The following KCTD16 variants were observed in gnomAD, a reference collection of about 807,000 sequenced individuals.
KCTD16 encodes BTB/POZ domain-containing protein KCTD16.
KCTD16 carries 13 observed loss-of-function variants against 33.2 expected under a neutral mutation model. The observed-to-expected ratio is 0.39, with a 90% confidence interval of 0.25 to 0.62. KCTD16 has a LOEUF of 0.62. Among genes scored for constraint, KCTD16 ranks in the 20% least tolerant of loss-of-function variants. KCTD16 has a pLI of 0.50. For missense variants in KCTD16, 441 were observed against 525.1 expected, an observed-to-expected ratio of 0.84 and a Z score of 1.57; for synonymous variants, 197 against 195.3, an observed-to-expected ratio of 1.01 and a Z score of -0.07.
intron 3 of KCTD16, among the ~76,000 whole-genome samples, chr5:144,219,604 TC>T (rs1753676392): frequency 7.3e-6 from 1 of 137,754 alleles, no homozygotes; most frequent in Admixed American, 7.9e-5. Flanking sequence ...CACTGCAACC[TC>T]CGCCTCTCGG....
intron 3 of KCTD16, among the ~76,000 whole-genome samples, chr5:144,443,609 GA>G (rs1753759720): frequency 6.6e-6 from 1 of 152,008 alleles, no homozygotes; most frequent in African/African-American, 2.4e-5. Flanking sequence ...TCAAGATGAT[GA>G]AGTGTTTTTC....
intron 3 of KCTD16, among the ~76,000 whole-genome samples, chr5:144,229,087 T>C (rs1754020258): frequency 6.6e-6 from 1 of 152,144 alleles, no homozygotes; most frequent in African/African-American, 2.4e-5. Context: ...TCCACATGGT[T>C]GTTTATTTTT....
chr5:144,414,841 A>G (rs1034123014), intron 3 of KCTD16, among the ~76,000 whole-genome samples: 4 of 152,164 alleles, frequency 2.6e-5, no homozygotes, highest in African/African-American at 9.7e-5. Flanking sequence ...AGAGCCTTGT[A>G]TTCGTGTGTC....
At chr5:144,292,111 G>A (rs1755909812) in intron 3 of KCTD16, among the ~76,000 whole-genome samples, 1 of 152,082 alleles carries the variant, frequency 6.6e-6, no homozygotes, top group South Asian at 2.1e-4. Flanking sequence ...AAAGTTGGAG[G>A]GCTCTTCACC....
At position 144,444,210 on chromosome 5, in the gene KCTD16, C is replaced by G. The variant is rs373727368; in HGVS notation, c.833-29450C>G. ...CAAACCCCACCCCAACCCCTCCCCCCTCCACACACAAAGATAAAACACTTC... is the reference window on the plus strand; with the variant it reads ...CAAACCCCACCCCAACCCCTCCCCCGTCCACACACAAAGATAAAACACTTC... On this transcript the variant is annotated intron_variant, in intron 3 of 3. Transcript: ENST00000512467. Among the ~76,000 whole-genome samples the G allele has an allele frequency of 3.4e-4, 51 of 150,658 alleles. No homozygotes were observed. The East Asian group carries it at 7.6e-3, about 22-fold the overall frequency.
chr5:144,460,165 A>G (rs1485781977), intron 3 of KCTD16, among the ~76,000 whole-genome samples: 1 of 152,040 alleles, frequency 6.6e-6, no homozygotes, highest in African/African-American at 2.4e-5. Flanking sequence ...CTTTTTGATC[A>G]TTCAAGCCAT....
intron 2 of KCTD16, among the ~76,000 whole-genome samples, chr5:144,198,384 G>A (rs1477342380): frequency 6.6e-6 from 1 of 152,030 alleles, no homozygotes; most frequent in Non-Finnish European, 1.5e-5. Context: ...AAAGGGAAGG[G>A]AAAAAAGTGG....
At chr5:144,353,493 T>G (rs1001190641) in intron 3 of KCTD16, among the ~76,000 whole-genome samples, 8 of 152,208 alleles carry the variant, frequency 5.3e-5, no homozygotes, top group African/African-American at 1.9e-4. Context: ...TATCTTTACT[T>G]ATAAATTGAG....
rs142512778 is a variant in KCTD16, at chr5:144,333,651, A to G, written c.832+126105A>G. Reference sequence around the variant, plus strand: ...ATTGTTCAGGCTGGGATAATGAGGGACAACTCAGCTCTGTTTCATGTGTCT... The same window carrying G: ...ATTGTTCAGGCTGGGATAATGAGGGGCAACTCAGCTCTGTTTCATGTGTCT... On this transcript the variant is annotated intron_variant, in intron 3 of 3. Transcript: ENST00000512467. Among the ~76,000 whole-genome samples, 9 of 152,226 alleles carry G rather than the reference A, an allele frequency of 5.9e-5. No homozygotes were observed. The East Asian group carries it at 1.7e-3, about 29-fold the overall frequency.
chr5:144,376,583 G>A (rs939144591), intron 3 of KCTD16, among the ~76,000 whole-genome samples: 1 of 152,130 alleles, frequency 6.6e-6, no homozygotes, highest in African/African-American at 2.4e-5. Flanking sequence ...GACGGGGTGA[G>A]AAAAATTAAA....
At chr5:144,251,844 A>T (rs1332625666) in intron 3 of KCTD16, among the ~76,000 whole-genome samples, 3 of 152,210 alleles carry the variant, frequency 2.0e-5, no homozygotes, top group Non-Finnish European at 4.4e-5. Flanking sequence ...CATAAGTTGA[A>T]TATCTTCAGC....
In KCTD16 at chr5:144,435,843, A is replaced by G. The variant is rs113228501; in HGVS notation, c.833-37817A>G. 1.5e-3 allele frequency among the ~76,000 whole-genome samples: 211 copies of G among 144,214 alleles called. 1 individual carries two copies. The highest frequency in any genetic ancestry group is 4.8e-3 in the African/African-American group (191 of 40,014). 94.6% of individuals were successfully genotyped at this position (144,214 alleles called of 152,430 possible). On this transcript the variant is annotated intron_variant, in intron 3 of 3. Coordinates refer to ENST00000512467, the MANE Select transcript of KCTD16 (RefSeq NM_020768.4). ...CTTTCCTGTGTGTGTGTGTGTGTGT[A>G]TGTGTGTGTGTGTGTAGTTTTATTC...
intron 3 of KCTD16, among the ~76,000 whole-genome samples, chr5:144,280,141 C>T (rs1249011977): frequency 6.6e-6 from 1 of 151,946 alleles, no homozygotes; most frequent in African/African-American, 2.4e-5. Flanking sequence ...CTTATAATTT[C>T]CTTTTCTGGC....
At chr5:144,471,921 T>C (rs1754485006) in intron 3 of KCTD16, among the ~76,000 whole-genome samples, 1 of 152,208 alleles carries the variant, frequency 6.6e-6, no homozygotes, top group African/African-American at 2.4e-5. Context: ...ATAGAAACTT[T>C]TGTTTTACTT....
rs778749768 is a variant in KCTD16 at position 144,407,205 on chromosome 5, T to TG, written c.833-66455_833-66454insG. On this transcript the variant is annotated intron_variant, in intron 3 of 3. Transcript: ENST00000512467. Reference sequence around the variant, plus strand: ...TCTTTTTTTAAAAAAATTCCTGTTTTTTTTTTTTTTTTAAACTATGTCATC... The same window carrying TG: ...TCTTTTTTTAAAAAAATTCCTGTTTTGTTTTTTTTTTTTAAACTATGTCATC... Among the ~76,000 whole-genome samples the TG allele has an allele frequency of 8.0e-4, 114 of 143,286 alleles. 2 individuals carry two copies. The highest frequency in any genetic ancestry group is 6.9e-3 in the Middle Eastern group (2 of 290). The allele number at this position is 143,286 out of a possible 152,430, so 94.0% of individuals were successfully genotyped here. A position where few individuals can be genotyped will look rare whatever the true frequency, so the allele number is the denominator to read the frequency against.
chr5:144,174,215 T>C (rs537773678), intron 1 of KCTD16, 92 bp from the exon 2 acceptor site: 1 of 152,340 alleles, frequency 6.6e-6, no homozygotes, highest in South Asian at 2.1e-4. Flanking sequence ...TTTTACATGC[T>C]TCACAAACAC....
intron 3 of KCTD16, among the ~76,000 whole-genome samples, chr5:144,261,698 G>A (rs935943978): frequency 2.0e-5 from 3 of 152,116 alleles, no homozygotes; most frequent in Non-Finnish European, 1.5e-5. Context: ...CTGCACATCC[G>A]GGCTTATTGC....
At chr5:144,189,663 TA>T in intron 2 of KCTD16, among the ~76,000 whole-genome samples, 1 of 152,236 alleles carries the variant, frequency 6.6e-6, no homozygotes, top group South Asian at 2.1e-4. Flanking sequence ...TCACGGAATA[TA>T]ATTTTCCTTT....
At chr5:144,190,642 C>CT (rs1752823195) in intron 2 of KCTD16, among the ~76,000 whole-genome samples, 1 of 152,184 alleles carries the variant, frequency 6.6e-6, no homozygotes, top group African/African-American at 2.4e-5. Context: ...AAAGAACACA[C>CT]TTTTCCCCTA....
Sources: allele counts gnomAD v4.1 joint callset (sites outside exome capture counted in the v4.1 genomes callset), GRCh38; gene constraint gnomAD v4.1.1; transcripts MANE v1.5; gene names NCBI Gene and HGNC (gene_info 2026-07-23, HGNC 2026-07-21).